Variants in COMP observed in about 807,000 individuals in gnomAD.
The protein encoded by COMP is cartilage oligomeric matrix protein (pseudoachondroplasia, epiphyseal dysplasia 1, multiple).
In COMP, 79 loss-of-function variants were observed where a neutral mutation model predicts 95.8. The observed-to-expected ratio is 0.82, with a 90% CI of 0.69 to 0.99. The LOEUF is 0.99. Among genes scored for constraint, COMP ranks in the 50% least tolerant of loss-of-function variants. COMP has a pLI of 0.00. For missense variants in COMP, 906 were observed against 1,076.1 expected, an observed-to-expected ratio of 0.84 and a Z score of 2.21; for synonymous variants, 438 against 433.9, an observed-to-expected ratio of 1.01 and a Z score of -0.12.
Position 18,788,309 on chromosome 19 carries a change from A to C in COMP, c.878T>G (p.Val293Gly). The C allele has an allele frequency of 6.2e-7, 1 of 1,611,772 alleles. No homozygotes were observed. Among genetic ancestry groups the C allele is most frequent in the Non-Finnish European group, 8.5e-7 (1 of 1,179,798 alleles). Residue 293 changes from valine to glycine, a missense_variant, in exon 9 of 19, where the codon GTG (valine) becomes GGG (glycine). Physicochemically the swap from Val to Gly is moderately radical, Grantham distance 109. Coordinates refer to ENST00000222271, the MANE Select transcript of COMP (RefSeq NM_000095.3). The surrounding 1 kb of genome is among the most constrained non-coding windows in gnomAD (Gnocchi z 4.7). The stretch of plus-strand genomic sequence containing the variant: ...CTCCTGCCCTGAGTTGGGCACAGTC[A>C]CGCAGTTGTCCTGGGGGCGGGCACA... Reference protein sequence around the residue: ...PERQCRKDNCVTVPNSGQEDV... With the variant: ...PERQCRKDNCGTVPNSGQEDV...
rs1300267190 is a variant in COMP at position 18,790,985 on chromosome 19, C to A, written c.80-50G>T. On this transcript the variant is annotated intron_variant, in intron 1 of 18. Coordinates refer to ENST00000222271, the MANE Select transcript of COMP (RefSeq NM_000095.3). The stretch of plus-strand genomic sequence containing the variant: ...GGCGTCATGGGGCCGGGGAATCCCA[C>A]CACCAACTCCCACCGTTGCAGCGAA... 2.6e-6 allele frequency: 4 copies of A among 1,542,762 alleles called. No individual in the cohort carries two copies. The East Asian group carries it at 7.3e-5, about 28-fold the overall frequency.
In COMP at chr19:18,785,495, C is replaced by T; in HGVS notation, c.1717+3G>A. The T allele has an allele frequency of 6.2e-7, 1 of 1,613,608 alleles. No individual in the cohort carries two copies. The highest frequency in any genetic ancestry group is 8.5e-7 in the Non-Finnish European group (1 of 1,180,042). On this transcript the variant is annotated splice_donor_region_variant and intron_variant, in intron 15 of 18. Coordinates refer to ENST00000222271, the MANE Select transcript of COMP (RefSeq NM_000095.3). ...CAGGATAGCGCTGCTCCCCGCTTCT[C>T]ACCCACAGCCAGGCCTGGGTCGCTG... is the stretch of plus-strand genomic sequence containing the variant.
At position 18,784,433 on chromosome 19, in the gene COMP, A is replaced by G. The variant is rs1163963709; in HGVS notation, c.1915-70T>C. On this transcript the variant is annotated intron_variant, in intron 16 of 18. Transcript: ENST00000222271. This position sits in a 1 kb window ranked among gnomAD's most constrained non-coding sequence, Gnocchi z 4.9. ...GGAGCCCCCCTAGACACCTTCCTGG[A>G]GAGACAGTTGGGAGCAGCAGGTGGT... 2.5e-6 allele frequency: 4 copies of G among 1,583,252 alleles called. No homozygotes were observed. The Admixed American group carries it at 6.8e-5, about 27-fold the overall frequency.
rs1601060159 is a variant in COMP at position 18,790,258 on chromosome 19, C to A, written c.218-144G>T. The A allele has an allele frequency of 7.5e-6, 5 of 668,496 alleles. No individual in the cohort carries two copies. The East Asian group carries it at 1.2e-4, about 16-fold the overall frequency. The allele number at this position is 668,496 out of a possible 1,614,324, so 41.4% of individuals were successfully genotyped here. ...GGGCGGCCCGAAATCCTGCGCTGTC[C>A]GCGATCCCGCCCCAGAGGCTGCGCG... On this transcript the variant is annotated intron_variant, in intron 3 of 18. Coordinates refer to ENST00000222271, the MANE Select transcript of COMP (RefSeq NM_000095.3).
intron 15 of COMP, 149 bp from the exon 16 acceptor site, chr19:18,785,241 C>T (rs377122921): frequency 3.2e-6 from 3 of 923,684 alleles, no homozygotes; most frequent in African/African-American, 3.3e-5. Context: ...CAGCCACGCC[C>T]CCCATCTACC....
In COMP at chr19:18,785,024, A is replaced by C; in HGVS notation, c.1786T>G (p.Tyr596Asp). The change falls in exon 16 of 19, where the codon TAT (tyrosine) becomes GAT (aspartate). Residue 596 changes from tyrosine to aspartate, a missense_variant. Tyr to Asp is a radical substitution (Grantham distance 160, BLOSUM62 -3). Transcript: ENST00000222271. ...TGGTAGCCAAAGATGAAGCCCGCAT[A>C]GTCGTCATCCGTGACCGTGTTCACA... Reference protein sequence around the residue: ...FHVNTVTDDDYAGFIFGYQDS... With the variant: ...FHVNTVTDDDDAGFIFGYQDS... 1 of 1,614,118 alleles carries C rather than the reference A, an allele frequency of 6.2e-7. No homozygotes were observed. The highest frequency in any genetic ancestry group is 1.1e-5 in the South Asian group (1 of 91,082).
In COMP at chr19:18,789,619, G is replaced by A. The variant is rs1229395848; in HGVS notation, c.391-322C>T. Among the ~76,000 whole-genome samples, 1 of 151,868 alleles carries A rather than the reference G, an allele frequency of 6.6e-6. No individual in the cohort carries two copies. The highest frequency in any genetic ancestry group is 1.5e-5 in the Non-Finnish European group (1 of 67,954). ...GGGTCTGGGCGTGCGTTCCCTGGCT[G>A]TGGAAGGGTCGTTGGGACTGGCGAT... On this transcript the variant is annotated intron_variant, in intron 4 of 18. Coordinates refer to ENST00000222271, the MANE Select transcript of COMP (RefSeq NM_000095.3). This position sits in a 1 kb window ranked among gnomAD's most constrained non-coding sequence, Gnocchi z 6.1.
chr19:18,788,384 G>GCC lies in COMP; in HGVS notation c.867+24_867+25dup. 12 of 1,516,160 alleles carry GCC rather than the reference G, an allele frequency of 7.9e-6. No individual in the cohort carries two copies. The highest frequency in any genetic ancestry group is 1.1e-5 in the Non-Finnish European group (12 of 1,098,432). 93.9% of individuals were successfully genotyped at this position (1,516,160 alleles called of 1,614,324 possible). The stretch of plus-strand genomic sequence containing the variant: ...AAGTCCCGCCCTCCCTCCTGCCCAA[G>GCC]CCCGCCCCGCTCCGCCCCCACCCAC... On this transcript the variant is annotated intron_variant, in intron 8 of 18. Transcript: ENST00000222271. This position sits in a 1 kb window ranked among gnomAD's most constrained non-coding sequence, Gnocchi z 4.7.
intron 15 of COMP, 142 bp from the exon 16 acceptor site, chr19:18,785,234 C>T: frequency 1.1e-6 from 1 of 938,636 alleles, no homozygotes; most frequent in South Asian, 1.4e-5. Context: ...CCGGACTCAG[C>T]CACGCCCCCC....
intron 15 of COMP, 132 bp from the exon 16 acceptor site, chr19:18,785,224 C>T (rs1376900155): frequency 1.0e-6 from 1 of 973,416 alleles, no homozygotes; most frequent in Non-Finnish European, 1.6e-6. Flanking sequence ...CTCGCAGAGC[C>T]CGGACTCAGC....
chr19:18,788,251 G>T lies in COMP; in HGVS notation c.936C>A (p.Cys312Ter), dbSNP rs764832916. Residue 312 changes from cysteine to a stop codon, truncating the protein, a stop_gained, in exon 9 of 19, where the codon TGC becomes TGA. Coordinates refer to ENST00000222271, the MANE Select transcript of COMP (RefSeq NM_000095.3). LOFTEE classifies it high-confidence loss of function. The surrounding 1 kb of genome is among the most constrained non-coding windows in gnomAD (Gnocchi z 4.7). ...DVDRDGIGDA[C>*]DPDADGDGVP... ...CCCCGTCCCCGTCGGCATCCGGATC[G>T]CAGGCGTCTCCGATGCCATCGCGGT... is the stretch of plus-strand genomic sequence containing the variant. The T allele has an allele frequency of 1.5e-5, 24 of 1,613,092 alleles. No individual in the cohort carries two copies. The South Asian group carries it at 2.4e-4, about 16-fold the overall frequency.
At chr19:18,785,899 C>T (rs577024872) in intron 13 of COMP, 48 bp from the exon 14 acceptor site, 2 of 1,605,638 alleles carry the variant, frequency 1.2e-6, no homozygotes, top group South Asian at 1.1e-5. Context: ...GGCCCGCCCA[C>T]CGTAGACCCC....
Position 18,789,603 on chromosome 19 carries a change from C to A in COMP, c.391-306G>T, listed in dbSNP as rs2055195885. 6.7e-6 allele frequency among the ~76,000 whole-genome samples: 1 copy of A among 150,304 alleles called. No homozygotes were observed. Among genetic ancestry groups the A allele is most frequent in the South Asian group, 2.1e-4 (1 of 4,730 alleles). ...GCCCGGCGGTGGCGGGGGGTCTGGGCGTGCGTTCCCTGGCTGTGGAAGGGT... is the reference window on the plus strand; with the variant it reads ...GCCCGGCGGTGGCGGGGGGTCTGGGAGTGCGTTCCCTGGCTGTGGAAGGGT... On this transcript the variant is annotated intron_variant, in intron 4 of 18. Coordinates refer to ENST00000222271, the MANE Select transcript of COMP (RefSeq NM_000095.3). This position sits in a 1 kb window ranked among gnomAD's most constrained non-coding sequence, Gnocchi z 6.1.
chr19:18,783,571 C>A (rs1358336531), intron 17 of COMP, among the ~76,000 whole-genome samples: 1 of 151,670 alleles, frequency 6.6e-6, no homozygotes, highest in Admixed American at 6.6e-5. Context: ...CTCAGCCTCC[C>A]TAGTAGCTGG....
At chr19:18,786,408 C>T (rs1347026393) in intron 11 of COMP, 117 bp from the exon 12 acceptor site, 20 of 1,548,356 alleles carry the variant, frequency 1.3e-5, no homozygotes, top group Admixed American at 1.7e-5. Context: ...CCACCGCAGG[C>T]TGCTCGGACC....
rs976254104 is a variant in COMP at position 18,787,631 on chromosome 19, C to T, written c.995G>A (p.Arg332Gln). Residue 332 changes from arginine to glutamine, a missense_variant, in exon 10 of 19, where the codon CGG (arginine) becomes CAG (glutamine). By Grantham distance (43) the Arg-to-Gln change is conservative (BLOSUM62 1). Coordinates refer to ENST00000222271, the MANE Select transcript of COMP (RefSeq NM_000095.3). ...GTCCGTGTTGCGCTGGTCTGGGTTC[C>T]GCACCAGCGGGCAGTTGTCCTGGAT... ...PNEKDNCPLVRNPDQRNTDED... is the reference protein window; with the variant it reads ...PNEKDNCPLVQNPDQRNTDED... 1.9e-6 allele frequency: 3 copies of T among 1,613,936 alleles called. No individual in the cohort carries two copies. Among genetic ancestry groups the T allele is most frequent in the Non-Finnish European group, 1.7e-6 (2 of 1,180,036 alleles).
rs1181673930 is a variant in COMP, at chr19:18,788,186, A to G, written c.975+26T>C. ...CAAAGTGCTGGGATTACAGGAGTGA[A>G]CCACCGTGCCGAGCCGTAGATCTAC... On this transcript the variant is annotated intron_variant, in intron 9 of 18. Transcript: ENST00000222271. The surrounding 1 kb of genome is among the most constrained non-coding windows in gnomAD (Gnocchi z 4.7). 1 of 1,589,318 alleles carries G rather than the reference A, an allele frequency of 6.3e-7. No individual in the cohort carries two copies. The highest frequency in any genetic ancestry group is 8.6e-7 in the Non-Finnish European group (1 of 1,159,608).
chr19:18,788,711 C>G lies in COMP; in HGVS notation c.643G>C (p.Gly215Arg), dbSNP rs768437153. Reference sequence around the variant, plus strand: ...CGCTGGCAGCCGGACGCCTGGTCGCCCACGAAGCCGGGCTGGCACGGGCCG... The same window carrying G: ...CGCTGGCAGCCGGACGCCTGGTCGCGCACGAAGCCGGGCTGGCACGGGCCG... ...QCGPCQPGFV[G>R]DQASGCQRRA... Residue 215 changes from glycine to arginine, a missense_variant, in exon 7 of 19, where the codon GGC (glycine) becomes CGC (arginine). Coordinates refer to ENST00000222271, the MANE Select transcript of COMP (RefSeq NM_000095.3). This position sits in a 1 kb window ranked among gnomAD's most constrained non-coding sequence, Gnocchi z 4.7. 60 of 1,542,008 alleles carry G rather than the reference C, an allele frequency of 3.9e-5. No homozygotes were observed. Among genetic ancestry groups the G allele is most frequent in the Admixed American group, 7.9e-5 (4 of 50,792 alleles).
intron 17 of COMP, among the ~76,000 whole-genome samples, chr19:18,783,611 A>ATT (rs34666033): frequency 0.18 from 24,928 of 137,900 alleles, 2,349 homozygotes; most frequent in African/African-American, 0.25. Context: ...CATGCCTGGC[A>ATT]TTTTTTTTTT....
Sources: gnomAD v4.1 joint callset for allele counts (sites outside exome capture counted in the v4.1 genomes callset) on GRCh38, gnomAD v4.1.1 for gene constraint, Gnocchi (gnomAD v3.1) non-coding constraint, MANE v1.5 for transcripts, NCBI Gene and HGNC (gene_info 2026-07-23, HGNC 2026-07-21) for gene names.